The following CACNB4 variants were observed in gnomAD, a reference collection of about 807,000 sequenced individuals.
The protein encoded by CACNB4 is calcium voltage-gated channel auxiliary subunit beta 4.
CACNB4 carries 32 observed loss-of-function variants against 71.2 expected under a neutral mutation model. The ratio of observed to expected loss-of-function variants is 0.45; its 90% CI spans 0.34 to 0.60. The LOEUF is 0.60. Among genes scored for constraint, CACNB4 ranks in the 20% least tolerant of loss-of-function variants. The probability of loss-of-function intolerance (pLI) is 0.01; values close to 1 mark genes in which losing one functional copy is unlikely to be tolerated. For synonymous variants in CACNB4, 231 were observed against 236.9 expected (o/e 0.97, Z 0.23); for missense variants, 464 against 647.9 (o/e 0.72, Z 3.08).
chr2:151,965,820 G>A (rs994687155), intron 2 of CACNB4, among the ~76,000 whole-genome samples: 7 of 152,072 alleles, frequency 4.6e-5, no homozygotes, highest in African/African-American at 1.2e-4. Flanking sequence ...ATTGGCAAGC[G>A]AACAAGCAAT....
chr2:152,027,975 T>C lies in CACNB4; in HGVS notation c.147+70355A>G, dbSNP rs150569659. Among the ~76,000 whole-genome samples the C allele has an allele frequency of 1.6e-3, 241 of 151,524 alleles. 1 individual carries two copies. The highest frequency in any genetic ancestry group is 0.014 in the Middle Eastern group (4 of 288). ...AGAGCTTCGATTTGTGAGTAACAGA[T>C]CTTTTTATACCTTCTTAGTGCACAG... On this transcript the variant is annotated intron_variant, in intron 2 of 13. Coordinates refer to ENST00000539935, the MANE Select transcript of CACNB4 (RefSeq NM_000726.5).
intron 9 of CACNB4, among the ~76,000 whole-genome samples, chr2:151,862,890 G>A (rs1242706150): frequency 6.6e-6 from 1 of 152,128 alleles, no homozygotes; most frequent in Non-Finnish European, 1.5e-5. Context: ...GGTCAAGCAT[G>A]GATGCACAGT....
At chr2:151,882,764 T>C (rs1214407671) in intron 3 of CACNB4, among the ~76,000 whole-genome samples, 2 of 152,208 alleles carry the variant, frequency 1.3e-5, no homozygotes, top group African/African-American at 4.8e-5. Context: ...TTATTGCTTG[T>C]CTTTGCTGCA....
At chr2:152,002,499 C>T (rs1165565908) in intron 2 of CACNB4, among the ~76,000 whole-genome samples, 2 of 152,050 alleles carry the variant, frequency 1.3e-5, no homozygotes, top group African/African-American at 4.8e-5. Flanking sequence ...CAGATACTTC[C>T]CCAAAGCAAA....
At chr2:152,032,730 T>C (rs972519477) in intron 2 of CACNB4, among the ~76,000 whole-genome samples, 2 of 151,874 alleles carry the variant, frequency 1.3e-5, no homozygotes, top group African/African-American at 4.8e-5. Context: ...CTTTGGGAGG[T>C]TGAGGCAGGA....
At chr2:151,917,575 G>A (rs1047172326) in intron 2 of CACNB4, among the ~76,000 whole-genome samples, 1 of 152,178 alleles carries the variant, frequency 6.6e-6, no homozygotes, top group African/African-American at 2.4e-5. Context: ...AGTGGCTCAT[G>A]CCTGTAATCT....
At chr2:151,998,791 C>T (rs951333905) in intron 2 of CACNB4, among the ~76,000 whole-genome samples, 2 of 152,200 alleles carry the variant, frequency 1.3e-5, no homozygotes, top group Non-Finnish European at 2.9e-5. Context: ...CTCTCCCCTG[C>T]GTTCGAGGGC....
At chr2:152,028,939 G>A (rs1401641533) in intron 2 of CACNB4, among the ~76,000 whole-genome samples, 2 of 152,244 alleles carry the variant, frequency 1.3e-5, no homozygotes, top group African/African-American at 4.8e-5. Context: ...TAGCTTTGAA[G>A]AAGAAAAATC....
chr2:152,082,995 G>A lies in CACNB4; in HGVS notation c.147+15335C>T, dbSNP rs576250478. On this transcript the variant is annotated intron_variant, in intron 2 of 13. Coordinates refer to ENST00000539935, the MANE Select transcript of CACNB4 (RefSeq NM_000726.5). ...ACTCATGAAGTGACTGAAAGTTGTGGTACCAGAGGAAGGAGGAGCAGAAGG... is the reference window on the plus strand; with the variant it reads ...ACTCATGAAGTGACTGAAAGTTGTGATACCAGAGGAAGGAGGAGCAGAAGG... 5.3e-5 allele frequency among the ~76,000 whole-genome samples: 8 copies of A among 152,256 alleles called. No individual in the cohort carries two copies. The East Asian group carries it at 1.5e-3, about 29-fold the overall frequency.
In CACNB4 at chr2:152,011,906, A is replaced by G. The variant is rs149925468; in HGVS notation, c.147+86424T>C. 3.1e-3 allele frequency among the ~76,000 whole-genome samples: 469 copies of G among 152,334 alleles called. 5 individuals carry two copies. The highest frequency in any genetic ancestry group is 0.011 in the African/African-American group (449 of 41,572). On this transcript the variant is annotated intron_variant, in intron 2 of 13. Transcript: ENST00000539935. Reference sequence around the variant, plus strand: ...TCTGTAGCTGTCCTAACTTCATAGCATGAGGCATTACTCAGGTTTTTGTGA... The same window carrying G: ...TCTGTAGCTGTCCTAACTTCATAGCGTGAGGCATTACTCAGGTTTTTGTGA...
chr2:152,034,605 G>A (rs1327478346), intron 2 of CACNB4, among the ~76,000 whole-genome samples: 1 of 152,138 alleles, frequency 6.6e-6, no homozygotes, highest in East Asian at 1.9e-4. Context: ...CTCACTTAAC[G>A]ATCTGTATAT....
At chr2:151,955,494 C>A (rs758534213) in intron 2 of CACNB4, among the ~76,000 whole-genome samples, 6 of 152,080 alleles carry the variant, frequency 3.9e-5, no homozygotes, top group Non-Finnish European at 5.9e-5. Flanking sequence ...AAGAAGCCAT[C>A]CAAGACTGCA....
At position 151,869,104 on chromosome 2, in the gene CACNB4, G is replaced by A. The variant is rs2099843932; in HGVS notation, c.758+73C>T. On this transcript the variant is annotated intron_variant, in intron 9 of 13. Transcript: ENST00000539935. ...AACTTCTGAAATCTCTGGAAACATA[G>A]ATCTACAATTCAATTTATCACACAA... The A allele has an allele frequency of 2.9e-5, 25 of 852,052 alleles. No homozygotes were observed. The South Asian group carries it at 3.7e-4, about 13-fold the overall frequency. 52.8% of individuals were successfully genotyped at this position (852,052 alleles called of 1,614,324 possible). A position where few individuals can be genotyped will look rare whatever the true frequency, so the allele number is the denominator to read the frequency against.
intron 2 of CACNB4, among the ~76,000 whole-genome samples, chr2:151,952,627 A>G (rs1373777391): frequency 6.6e-6 from 1 of 152,214 alleles, no homozygotes; most frequent in Non-Finnish European, 1.5e-5. Context: ...GCTCCAAATA[A>G]TGGGACCCGA....
chr2:151,897,061 C>T (rs965417098), intron 2 of CACNB4, among the ~76,000 whole-genome samples: 1 of 152,214 alleles, frequency 6.6e-6, no homozygotes, highest in African/African-American at 2.4e-5. Context: ...AAAAGAATCT[C>T]TCTTTCTGTC....
chr2:151,841,882 T>C (rs747592926), intron 13 of CACNB4, 21 bp downstream of exon 13: 1 of 1,609,066 alleles, frequency 6.2e-7, no homozygotes, highest in Admixed American at 1.7e-5. Context: ...GTAAAAAGCA[T>C]GAGTGAAAAA....
In CACNB4 at chr2:152,004,670, C is replaced by G. The variant is rs549931298; in HGVS notation, c.147+93660G>C. On this transcript the variant is annotated intron_variant, in intron 2 of 13. Coordinates refer to ENST00000539935, the MANE Select transcript of CACNB4 (RefSeq NM_000726.5). ...GAGTTGACTTATGAAATGACAGAGT[C>G]CCTTCTAGTTTTCCTGAAATTACAA... is the stretch of plus-strand genomic sequence containing the variant. 1.7e-4 allele frequency among the ~76,000 whole-genome samples: 26 copies of G among 152,190 alleles called. No homozygotes were observed. The South Asian group carries it at 5.4e-3, about 32-fold the overall frequency.
At chr2:152,041,020 C>T (rs560074887) in intron 2 of CACNB4, among the ~76,000 whole-genome samples, 1 of 152,334 alleles carries the variant, frequency 6.6e-6, no homozygotes, top group East Asian at 1.9e-4. Flanking sequence ...ACGACTGCAT[C>T]GCCTGACCTC....
At chr2:152,006,637 C>T (rs1294433442) in intron 2 of CACNB4, among the ~76,000 whole-genome samples, 2 of 152,148 alleles carry the variant, frequency 1.3e-5, no homozygotes, top group African/African-American at 2.4e-5. Context: ...CTCAAGTGAT[C>T]CACCTGCCTT....
Sources: allele counts gnomAD v4.1 joint callset (sites outside exome capture counted in the v4.1 genomes callset), GRCh38; gene constraint gnomAD v4.1.1; transcripts MANE v1.5; gene names NCBI Gene and HGNC (gene_info 2026-07-23, HGNC 2026-07-21).